The following TRAPPC9 variants were observed in gnomAD, a reference collection of about 807,000 sequenced individuals.
The protein encoded by TRAPPC9 is trafficking protein particle complex subunit 9, also known as IKK2 binding protein.
TRAPPC9 carries 83 observed loss-of-function variants against 124.0 expected under a neutral mutation model. That is an observed-to-expected ratio of 0.67 (90% CI 0.56 to 0.80). The LOEUF (loss-of-function observed/expected upper bound fraction) is 0.80, where lower values mean the gene tolerates loss of function less well. TRAPPC9 is among the 30% of genes least tolerant of loss of function. The pLI is 0.00. For synonymous variants in TRAPPC9, 638 were observed against 617.5 expected (o/e 1.03, Z -0.49); for missense variants, 1,302 against 1,508.3 (o/e 0.86, Z 2.27).
intron 9 of TRAPPC9, among the ~76,000 whole-genome samples, chr8:140,329,412 C>A (rs767534498): frequency 6.6e-6 from 1 of 152,180 alleles, no homozygotes; most frequent in Non-Finnish European, 1.5e-5. Context: ...GCAGACAAAG[C>A]GATGGCTCGT....
intron 17 of TRAPPC9, among the ~76,000 whole-genome samples, chr8:140,145,337 C>T (rs189185983): frequency 3.3e-5 from 5 of 151,812 alleles, no homozygotes; most frequent in African/African-American, 9.7e-5. Context: ...CAAGCAGAAG[C>T]ATTGATGGCA....
chr8:140,039,958 G>A, intron 17 of TRAPPC9: 1 of 152,220 alleles, frequency 6.6e-6, no homozygotes. Flanking sequence ...GCACACAGGA[G>A]GTTTGTGATC....
intron 17 of TRAPPC9, among the ~76,000 whole-genome samples, chr8:140,047,461 G>A (rs1439760812): frequency 2.6e-5 from 4 of 152,240 alleles, no homozygotes; most frequent in Non-Finnish European, 5.9e-5. Flanking sequence ...GTGAAAGGCG[G>A]GTCCCCAGGG....
Position 139,730,103 on chromosome 8 carries a change from C to T in TRAPPC9, c.*958G>A, listed in dbSNP as rs1586716236. Among the ~76,000 whole-genome samples the T allele has an allele frequency of 6.6e-6, 1 of 152,104 alleles. No homozygotes were observed. Among genetic ancestry groups the T allele is most frequent in the East Asian group, 1.9e-4 (1 of 5,156 alleles). ...CCAGCTGCCCACTGTGGCGGCAGCT[C>T]GGGCCCAGTCACACTCCTTCACTGG... On this transcript the variant is annotated 3_prime_UTR_variant, in exon 23 of 23. Transcript: ENST00000438773.
chr8:140,185,772 TGATGGGGA>T (rs1281780832), intron 17 of TRAPPC9, among the ~76,000 whole-genome samples: 1 of 152,202 alleles, frequency 6.6e-6, no homozygotes, highest in Non-Finnish European at 1.5e-5. Flanking sequence ...ATTTCGCAGC[TGATGGGGA>T]GATGGGGAAG....
rs532975653 is a variant in TRAPPC9, at chr8:139,733,323, C to G, written c.3056-1121G>C. Among the ~76,000 whole-genome samples the G allele has an allele frequency of 2.0e-5, 3 of 152,288 alleles. No individual in the cohort carries two copies. In the South Asian group the frequency reaches 6.2e-4, roughly 32 times the overall value. On this transcript the variant is annotated intron_variant, in intron 21 of 22. Transcript: ENST00000438773. ...AGGAGGGAAGAATAAGCCCCCAGAA[C>G]CTCCCATGGTCCTGCAGCACCTTGG...
At chr8:139,800,162 G>T (rs1823381551) in intron 21 of TRAPPC9, among the ~76,000 whole-genome samples, 1 of 152,266 alleles carries the variant, frequency 6.6e-6, no homozygotes, top group Non-Finnish European at 1.5e-5. Context: ...GGCGCCTTTG[G>T]CTGAGGTCCC....
intron 19 of TRAPPC9, among the ~76,000 whole-genome samples, chr8:139,986,703 T>G (rs1837258457): frequency 6.6e-6 from 1 of 152,218 alleles, no homozygotes; most frequent in South Asian, 2.1e-4. Context: ...GGCTTAGTTT[T>G]TCCTTCTGCT....
chr8:140,082,329 A>G (rs1418413499), intron 17 of TRAPPC9, among the ~76,000 whole-genome samples: 3 of 152,162 alleles, frequency 2.0e-5, no homozygotes, highest in Admixed American at 2.0e-4. Context: ...TAAGGATGAA[A>G]AATGTGCTGA....
intron 19 of TRAPPC9, among the ~76,000 whole-genome samples, chr8:139,913,691 G>A (rs1489888536): frequency 1.3e-5 from 2 of 152,174 alleles, no homozygotes; most frequent in Non-Finnish European, 2.9e-5. Flanking sequence ...AAATCCCAAA[G>A]GCCGCGTTCC....
intron 1 of TRAPPC9, among the ~76,000 whole-genome samples, chr8:140,452,264 CA>C (rs1405160047): frequency 6.7e-6 from 1 of 150,074 alleles, no homozygotes; most frequent in Non-Finnish European, 1.5e-5. Flanking sequence ...ACTAAAAATA[CA>C]AAAAATTAGC....
intron 18 of TRAPPC9, among the ~76,000 whole-genome samples, chr8:140,018,119 A>C (rs1274909736): frequency 6.6e-6 from 1 of 152,128 alleles, no homozygotes. Flanking sequence ...CTGGGATTAT[A>C]GGCATGAACC....
In TRAPPC9 at chr8:140,305,149, C is replaced by T. The variant is rs775988935; in HGVS notation, c.1623-4535G>A. 1.7e-4 allele frequency among the ~76,000 whole-genome samples: 26 copies of T among 152,284 alleles called. No homozygotes were observed. In the South Asian group the frequency reaches 2.1e-3, roughly 12 times the overall value. ...AGAGGGGGGCTCTTGTAGTCAATCACGCTTCCTTCTTGTCAGTTACCTCAC... is the reference window on the plus strand; with the variant it reads ...AGAGGGGGGCTCTTGTAGTCAATCATGCTTCCTTCTTGTCAGTTACCTCAC... On this transcript the variant is annotated intron_variant, in intron 10 of 22. Coordinates refer to ENST00000438773, the MANE Select transcript of TRAPPC9 (RefSeq NM_001160372.4).
chr8:140,015,322 G>A (rs1017067357), intron 18 of TRAPPC9, among the ~76,000 whole-genome samples: 20 of 152,178 alleles, frequency 1.3e-4, no homozygotes, highest in Admixed American at 2.6e-4. Context: ...GTGTTGAAAT[G>A]GGCCATCTCT....
intron 17 of TRAPPC9, among the ~76,000 whole-genome samples, chr8:140,076,649 G>A (rs1320176487): frequency 6.6e-6 from 1 of 152,130 alleles, no homozygotes; most frequent in East Asian, 1.9e-4. Context: ...TCACTGTGAG[G>A]TCTGAATACG....
At chr8:140,378,935 T>G (rs2068524094) in intron 7 of TRAPPC9, among the ~76,000 whole-genome samples, 1 of 152,124 alleles carries the variant, frequency 6.6e-6, no homozygotes, top group African/African-American at 2.4e-5. Flanking sequence ...TTTTGAAAGA[T>G]GTTGGGGATG....
intron 15 of TRAPPC9, among the ~76,000 whole-genome samples, chr8:140,272,818 G>A (rs72690659): frequency 0.023 from 3,541 of 151,862 alleles, 53 homozygotes; most frequent in Non-Finnish European, 0.04. Flanking sequence ...CCCATGAGAC[G>A]AGCACCCAGC....
intron 8 of TRAPPC9, among the ~76,000 whole-genome samples, chr8:140,369,168 AT>A: frequency 6.6e-6 from 1 of 152,284 alleles, no homozygotes; most frequent in South Asian, 2.1e-4. Context: ...TGAGAATCGG[AT>A]TTGAGGTTCT....
At chr8:139,823,076 C>T (rs566403115) in intron 21 of TRAPPC9, among the ~76,000 whole-genome samples, 2 of 152,298 alleles carry the variant, frequency 1.3e-5, no homozygotes, top group East Asian at 3.9e-4. Flanking sequence ...CCTCATCCCC[C>T]ATTTAAGCTT....
Sources: gnomAD v4.1 joint callset for allele counts (sites outside exome capture counted in the v4.1 genomes callset) on GRCh38, gnomAD v4.1.1 for gene constraint, MANE v1.5 for transcripts, NCBI Gene and HGNC (gene_info 2026-07-23, HGNC 2026-07-21) for gene names.